MORC2: variants seen among roughly 807,000 people sequenced by gnomAD.
MORC2 encodes the protein MORC family CW-type zinc finger 2, also known as ATPase MORC2.
In MORC2, 30 loss-of-function variants were observed where a neutral mutation model predicts 136.0. The ratio of observed to expected loss-of-function variants is 0.22; its 90% confidence interval spans 0.17 to 0.30. The LOEUF is 0.30. Ranked by LOEUF, MORC2 falls within the 10% of genes least tolerant of loss-of-function variation. The pLI is 1.00. For missense variants in MORC2, 922 were observed against 1,333.1 expected, an observed-to-expected ratio of 0.69 and a Z score of 4.80; for synonymous variants, 439 against 487.0, an observed-to-expected ratio of 0.90 and a Z score of 1.30.
chr22:30,928,060 G>A lies in MORC2; in HGVS notation c.2989C>T (p.Leu997=), dbSNP rs142766430. 102 of 1,614,020 alleles carry A rather than the reference G, an allele frequency of 6.3e-5. No homozygotes were observed. In the African/African-American group the frequency reaches 9.3e-4, roughly 15 times the overall value. ...AGGAGTGCCACGATGTTGGTCCTCAGCTTCTGCAGCTTCTCCTCCGTCTCG... is the reference window on the plus strand; with the variant it reads ...AGGAGTGCCACGATGTTGGTCCTCAACTTCTGCAGCTTCTCCTCCGTCTCG... ...LRETEEKLQK[L]RTNIVALLQK... The change falls in exon 25 of 26, where the codon CTG becomes TTG. Residue 997 remains leucine (L), a synonymous_variant. Coordinates refer to ENST00000397641, the MANE Select transcript of MORC2 (RefSeq NM_001303256.3).
At chr22:30,963,313 C>T in intron 1 of MORC2, 2 of 984,368 alleles carry the variant, frequency 2.0e-6, no homozygotes, top group East Asian at 2.3e-4. Context: ...ACATCCTTTG[C>T]ATGTGATCCA....
intron 3 of MORC2, among the ~76,000 whole-genome samples, chr22:30,953,790 A>G (rs1226433504): frequency 6.6e-6 from 1 of 152,170 alleles, no homozygotes; most frequent in African/African-American, 2.4e-5. Flanking sequence ...CCAACTAATA[A>G]TAATATGCTT....
intron 24 of MORC2, among the ~76,000 whole-genome samples, chr22:30,931,800 GTC>G (rs1238029801): frequency 6.6e-6 from 1 of 152,232 alleles, no homozygotes; most frequent in African/African-American, 2.4e-5. Context: ...TAACAACTCA[GTC>G]TCTACTGAAT....
rs1466138396 is a variant in MORC2, at chr22:30,941,160, A to T, written c.824+273T>A. 6.6e-6 allele frequency among the ~76,000 whole-genome samples: 1 copy of T among 152,168 alleles called. No homozygotes were observed. Among genetic ancestry groups the T allele is most frequent in the Non-Finnish European group, 1.5e-5 (1 of 68,022 alleles). The stretch of plus-strand genomic sequence containing the variant: ...AAGGCCCCTTGGCCCTAAAGCCAAG[A>T]GACTCAGACAGCTCACTGAGCCAGG... On this transcript the variant is annotated intron_variant, in intron 9 of 25. Transcript: ENST00000397641. This position sits in a 1 kb window ranked among gnomAD's most constrained non-coding sequence, Gnocchi z 4.6.
rs758400894 is a variant in MORC2 at position 30,936,631 on chromosome 22, A to G, written c.1617T>C (p.Ser539=). The G allele has an allele frequency of 1.2e-6, 2 of 1,614,106 alleles. No individual in the cohort carries two copies. Among genetic ancestry groups the G allele is most frequent in the Non-Finnish European group, 1.7e-6 (2 of 1,180,040 alleles). ...PDPEQDRCEA[S]EQKQKVPLGT... Reference sequence around the variant, plus strand: ...CCAGGGGAACCTTCTGCTTTTGTTCAGAAGCCTCACACCTGTAGAGACAAG... The same window carrying G: ...CCAGGGGAACCTTCTGCTTTTGTTCGGAAGCCTCACACCTGTAGAGACAAG... Residue 539 remains serine (S), a synonymous_variant, in exon 17 of 26, where the codon TCT becomes TCC. Transcript: ENST00000397641.
At chr22:30,928,333 A>T (rs2040521777) in intron 24 of MORC2, 126 bp from the exon 25 acceptor site, 4 of 872,344 alleles carry the variant, frequency 4.6e-6, no homozygotes, top group Non-Finnish European at 7.3e-6. Flanking sequence ...AACATCTTAG[A>T]TACAAAGGGC....
chr22:30,956,101 C>T (rs1376813654), intron 3 of MORC2, among the ~76,000 whole-genome samples: 1 of 151,612 alleles, frequency 6.6e-6, no homozygotes, highest in South Asian at 2.1e-4. Context: ...AAATACCAGG[C>T]AGAAAGCAAA....
intron 6 of MORC2, among the ~76,000 whole-genome samples, chr22:30,946,037 G>T (rs1459933332): frequency 2.0e-5 from 3 of 152,072 alleles, no homozygotes; most frequent in African/African-American, 7.2e-5. Context: ...CCCCAAAATG[G>T]AATTCAAGTG....
At chr22:30,929,717 C>T (rs1253124804) in intron 24 of MORC2, among the ~76,000 whole-genome samples, 3 of 151,858 alleles carry the variant, frequency 2.0e-5, no homozygotes, top group African/African-American at 7.3e-5. Context: ...GCCGAGATTG[C>T]GCCACTGCAC....
intron 20 of MORC2, 133 bp from the exon 21 acceptor site, chr22:30,933,653 G>A (rs536649606): frequency 4.7e-5 from 41 of 864,884 alleles, no homozygotes; most frequent in Admixed American, 3.4e-4. Context: ...ACCAAGCCCC[G>A]TTGAGAGCCA....
intron 5 of MORC2, among the ~76,000 whole-genome samples, chr22:30,948,514 T>C (rs1389844237): frequency 1.3e-5 from 2 of 152,212 alleles, no homozygotes; most frequent in Non-Finnish European, 2.9e-5. Context: ...CTCACAGCAA[T>C]GATAGCATGT....
At chr22:30,938,874 T>G (rs1309466053) in intron 12 of MORC2, among the ~76,000 whole-genome samples, 2 of 152,208 alleles carry the variant, frequency 1.3e-5, no homozygotes, top group South Asian at 2.1e-4. Flanking sequence ...CGGCCAATTA[T>G]TATTATTTTA....
intron 12 of MORC2, among the ~76,000 whole-genome samples, chr22:30,939,227 T>C (rs2040703997): frequency 6.6e-6 from 1 of 152,130 alleles, no homozygotes; most frequent in South Asian, 2.1e-4. Flanking sequence ...AAAAAATATA[T>C]ATGTAACATA....
chr22:30,951,685 T>C (rs998750740), intron 3 of MORC2, among the ~76,000 whole-genome samples: 15 of 152,238 alleles, frequency 9.9e-5, no homozygotes, highest in African/African-American at 3.6e-4. Context: ...TTAACCAATT[T>C]TGTACAACTA....
chr22:30,960,432 A>T (rs545293594), intron 1 of MORC2, among the ~76,000 whole-genome samples: 1 of 152,208 alleles, frequency 6.6e-6, no homozygotes, highest in Non-Finnish European at 1.5e-5. Context: ...ATAGAGTTCA[A>T]ATTCTTCTGG....
rs372455584 is a variant in MORC2, at chr22:30,934,035, T to C, written c.2325+25A>G. ...CTGCAGGCCCTAGAGAGAGAGGCTT[T>C]GAGAACCTCACCTCAACCACTCACC... On this transcript the variant is annotated intron_variant, in intron 20 of 25. Coordinates refer to ENST00000397641, the MANE Select transcript of MORC2 (RefSeq NM_001303256.3). The surrounding 1 kb of genome is among the most constrained non-coding windows in gnomAD (Gnocchi z 4.4). 3.1e-6 allele frequency: 5 copies of C among 1,613,560 alleles called. No individual in the cohort carries two copies. The African/African-American group carries it at 6.7e-5, about 22-fold the overall frequency.
Position 30,968,160 on chromosome 22 carries a change from G to C in MORC2, c.-271C>G. The stretch of plus-strand genomic sequence containing the variant: ...AATCTGTAGCTTTAAGGAGCTTTTA[G>C]CATTAAGTTGCGATAGCTCAATTCA... On this transcript the variant is annotated 5_prime_UTR_variant, in exon 1 of 26. Coordinates refer to ENST00000397641, the MANE Select transcript of MORC2 (RefSeq NM_001303256.3). The C allele has an allele frequency of 7.7e-6, 3 of 390,596 alleles. No individual in the cohort carries two copies. Among genetic ancestry groups the C allele is most frequent in the Admixed American group, 4.2e-5 (1 of 24,052 alleles). 24.2% of individuals were successfully genotyped at this position (390,596 alleles called of 1,614,324 possible). A position where few individuals can be genotyped will look rare whatever the true frequency, so the allele number is the denominator to read the frequency against.
At chr22:30,942,707 G>GT (rs1408664869) in intron 6 of MORC2, among the ~76,000 whole-genome samples, 1 of 151,998 alleles carries the variant, frequency 6.6e-6, no homozygotes, top group African/African-American at 2.4e-5. Context: ...CAGTAAACAT[G>GT]TACAAAAATA....
In MORC2 at chr22:30,932,193, A is replaced by G; in HGVS notation, c.2841+166T>C. On this transcript the variant is annotated intron_variant, in intron 24 of 25. Coordinates refer to ENST00000397641, the MANE Select transcript of MORC2 (RefSeq NM_001303256.3). The surrounding 1 kb of genome is among the most constrained non-coding windows in gnomAD (Gnocchi z 4.4). ...AGCCAATTTTTTTCCCACATCATAAACTCTCCTCTTCTTTCAGCAGGAGAG... is the reference window on the plus strand; with the variant it reads ...AGCCAATTTTTTTCCCACATCATAAGCTCTCCTCTTCTTTCAGCAGGAGAG... 1 of 697,334 alleles carries G rather than the reference A, an allele frequency of 1.4e-6. No homozygotes were observed. Among genetic ancestry groups the G allele is most frequent in the Non-Finnish European group, 2.4e-6 (1 of 420,626 alleles). 43.2% of individuals were successfully genotyped at this position (697,334 alleles called of 1,614,324 possible).
Sources: gnomAD v4.1 joint callset for allele counts (sites outside exome capture counted in the v4.1 genomes callset) on GRCh38, gnomAD v4.1.1 for gene constraint, Gnocchi (gnomAD v3.1) non-coding constraint, MANE v1.5 for transcripts, NCBI Gene and HGNC (gene_info 2026-07-23, HGNC 2026-07-21) for gene names.